Variants in KLK6 observed in about 807,000 individuals in gnomAD.
KLK6 encodes kallikrein-6.
In KLK6, 16 loss-of-function variants were observed where a neutral mutation model predicts 21.7. The ratio of observed to expected loss-of-function variants is 0.74; its 90% CI spans 0.50 to 1.12. The LOEUF is 1.12. Among genes scored for constraint, KLK6 ranks in the 50% most tolerant of loss-of-function variants. The probability of loss-of-function intolerance (pLI) is 0.00; values close to 1 mark genes in which losing one functional copy is unlikely to be tolerated. For missense variants in KLK6, 276 were observed against 304.6 expected (o/e 0.91, Z 0.70); for synonymous variants, 116 against 120.1 (o/e 0.97, Z 0.22).
At chr19:50,963,651 A>G (rs2123638882) in intron 4 of KLK6, 102 bp from the exon 5 acceptor site, 2 of 1,363,386 alleles carry the variant, frequency 1.5e-6, no homozygotes, top group Admixed American at 3.9e-5. Flanking sequence ...CTCCTCCCAC[A>G]GTCTTCCCCA....
chr19:50,967,086 G>T, intron 4 of KLK6, 83 bp downstream of exon 4: 1 of 1,476,650 alleles, frequency 6.8e-7, no homozygotes, highest in Non-Finnish European at 9.4e-7. Context: ...TGGGGGGGAT[G>T]CCTATGTCAC....
At chr19:50,962,573 C>T (rs2090860445) in intron 5 of KLK6, 1 of 152,884 alleles carries the variant, frequency 6.5e-6, no homozygotes, top group African/African-American at 2.4e-5. Flanking sequence ...TGCTTCCCTC[C>T]TTGGTCCTTT....
Position 50,963,415 on chromosome 19 carries a change from C to A in KLK6, c.332G>T (p.Arg111Leu). ...ASHDQDIMLL[R>L]LARPAKLSEL... ...AGAGAGTTTGGCTGGGCGTGCCAGGCGCAACAGCATGATGTCCTGGTCATG... is the reference window on the plus strand; with the variant it reads ...AGAGAGTTTGGCTGGGCGTGCCAGGAGCAACAGCATGATGTCCTGGTCATG... Residue 111 changes from arginine (R) to leucine (L), a missense_variant, in exon 5 of 7, where the codon CGC (arginine) becomes CTC (leucine). By Grantham distance (102) the Arg-to-Leu change is moderately radical (BLOSUM62 -2). Coordinates refer to ENST00000310157, the MANE Select transcript of KLK6 (RefSeq NM_002774.4). The A allele has an allele frequency of 6.2e-7, 1 of 1,614,192 alleles. No individual in the cohort carries two copies. Among genetic ancestry groups the A allele is most frequent in the Non-Finnish European group, 8.5e-7 (1 of 1,180,044 alleles).
chr19:50,960,059 G>GGGGGGAGGAGGAGGGGGAGGAGGA (rs1412616445), intron 6 of KLK6, among the ~76,000 whole-genome samples: 1 of 69,822 alleles, frequency 1.4e-5, no homozygotes, highest in African/African-American at 8.7e-5. Context: ...AGGGAGAGGA[G>GGGGGGAGGAGGAGGGGGAGGAGGA]GGGGGAGGAG....
intron 4 of KLK6, among the ~76,000 whole-genome samples, chr19:50,966,446 C>T (rs2090927088): frequency 6.6e-6 from 1 of 152,238 alleles, no homozygotes; most frequent in African/African-American, 2.4e-5. Context: ...CCCACGTGGG[C>T]CTCCCTCCCT....
At chr19:50,961,492 G>A (rs964915236) in intron 6 of KLK6, among the ~76,000 whole-genome samples, 4 of 152,176 alleles carry the variant, frequency 2.6e-5, no homozygotes, top group Non-Finnish European at 5.9e-5. Context: ...TTGATCCCGC[G>A]GCCTCCATCC....
Position 50,967,158 on chromosome 19 carries a change from T to C in KLK6, c.197+11A>G. On this transcript the variant is annotated intron_variant, in intron 4 of 6. Transcript: ENST00000310157. ...AGTCGCATCTGCTGTTCATTTACAG[T>C]GTAGACTCACGGTTTTTTGCAGTGG... 3 of 1,613,952 alleles carry C rather than the reference T, an allele frequency of 1.9e-6. No homozygotes were observed. The African/African-American group carries it at 4.0e-5, about 22-fold the overall frequency.
chr19:50,967,406 T>C (rs893550370), intron 3 of KLK6, 81 bp from the exon 4 acceptor site: 81 of 1,411,472 alleles, frequency 5.7e-5, no homozygotes, highest in African/African-American at 3.4e-4. Flanking sequence ...CCAGTCAAGA[T>C]TGGTCAGGTG....
chr19:50,961,916 C>A, intron 5 of KLK6, 36 bp from the exon 6 acceptor site: 2 of 1,602,118 alleles, frequency 1.2e-6, no homozygotes, highest in East Asian at 2.2e-5. Context: ...TCAGCCCAGG[C>A]CTTGCACTCC....
chr19:50,963,566 C>A lies in KLK6; in HGVS notation c.198-17G>T. 6.2e-7 allele frequency: 1 copy of A among 1,613,288 alleles called. No individual in the cohort carries two copies. The highest frequency in any genetic ancestry group is 1.7e-4 in the Middle Eastern group (1 of 6,054). On this transcript the variant is annotated splice_polypyrimidine_tract_variant and intron_variant, in intron 4 of 6. Coordinates refer to ENST00000310157, the MANE Select transcript of KLK6 (RefSeq NM_002774.4). The stretch of plus-strand genomic sequence containing the variant: ...TGAAGATTCCTGGGAAGGAAGAGGG[C>A]TGGGTCTCACCTGGAGCCCTTGGGC...
At chr19:50,963,173 C>G in intron 5 of KLK6, 129 bp downstream of exon 5, 1 of 1,323,086 alleles carries the variant, frequency 7.6e-7, no homozygotes, top group African/African-American at 1.5e-5. Flanking sequence ...CCATTGAAAC[C>G]CTGTCCCATT....
chr19:50,964,067 C>T (rs1055002964), intron 4 of KLK6, among the ~76,000 whole-genome samples: 7 of 152,184 alleles, frequency 4.6e-5, no homozygotes, highest in Non-Finnish European at 8.8e-5. Flanking sequence ...CATCATCTCA[C>T]AGACATCTTC....
intron 6 of KLK6, 47 bp from the exon 7 acceptor site, chr19:50,959,363 CTGTGTGTGTGTGTGTGTGTGTG>C (rs71185782): frequency 0.041 from 34,689 of 841,706 alleles, 1,001 homozygotes; most frequent in East Asian, 0.27. Flanking sequence ...AACCCAGAGA[CTGTGTGTGTGTGTGTGTGTGTG>C]TGTGTGTGTG....
At chr19:50,968,157 TC>T in intron 2 of KLK6, 45 bp from the exon 3 acceptor site, 1 of 1,537,460 alleles carries the variant, frequency 6.5e-7, no homozygotes, top group Non-Finnish European at 9.0e-7. Flanking sequence ...GCCTCGACCC[TC>T]CCCCCATCCC....
At chr19:50,969,214 A>T (rs1262640945) in intron 1 of KLK6, among the ~76,000 whole-genome samples, 3 of 148,758 alleles carry the variant, frequency 2.0e-5, no homozygotes, top group African/African-American at 7.8e-5. Flanking sequence ...TAGGACCTAA[A>T]CTCCTGGGTC....
chr19:50,960,635 C>T (rs1404915985), intron 6 of KLK6, among the ~76,000 whole-genome samples: 1 of 152,190 alleles, frequency 6.6e-6, no homozygotes, highest in African/African-American at 2.4e-5. Context: ...GCTCTGTCCC[C>T]AGGCTGGAGT....
intron 6 of KLK6, among the ~76,000 whole-genome samples, chr19:50,960,077 AG>A (rs1479794819): frequency 2.1e-4 from 10 of 47,420 alleles, no homozygotes; most frequent in African/African-American, 8.2e-4. Flanking sequence ...GAGGAGGGGG[AG>A]GAGGAGGGGG....
chr19:50,968,399 C>T (rs2090960607), intron 2 of KLK6, 142 bp downstream of exon 2: 3 of 504,260 alleles, frequency 5.9e-6, no homozygotes, highest in Non-Finnish European at 1.1e-5. Context: ...CACTGATTTG[C>T]CTTCCTGTCG....
chr19:50,963,554 G>A lies in KLK6; in HGVS notation c.198-5C>T, dbSNP rs776241716. 6.2e-6 allele frequency: 10 copies of A among 1,613,882 alleles called. No homozygotes were observed. Among genetic ancestry groups the A allele is most frequent in the Non-Finnish European group, 7.6e-6 (9 of 1,179,910 alleles). Reference sequence around the variant, plus strand: ...CCCAGGAAGACCTGAAGATTCCTGGGAAGGAAGAGGGCTGGGTCTCACCTG... The same window carrying A: ...CCCAGGAAGACCTGAAGATTCCTGGAAAGGAAGAGGGCTGGGTCTCACCTG... On this transcript the variant is annotated splice_region_variant and splice_polypyrimidine_tract_variant and intron_variant, in intron 4 of 6. Coordinates refer to ENST00000310157, the MANE Select transcript of KLK6 (RefSeq NM_002774.4).
Sources: allele counts gnomAD v4.1 joint callset (sites outside exome capture counted in the v4.1 genomes callset), GRCh38; gene constraint gnomAD v4.1.1; transcripts MANE v1.5; gene names NCBI Gene and HGNC (gene_info 2026-07-23, HGNC 2026-07-21).